Variants in POU3F3 observed in about 807,000 individuals in gnomAD.
POU3F3 encodes the protein POU domain, class 3, transcription factor 3.
POU3F3 carries 1 observed loss-of-function variant against 8.6 expected under a neutral mutation model. The ratio of observed to expected loss-of-function variants is 0.12; its 90% CI spans 0.04 to 0.55. The LOEUF (loss-of-function observed/expected upper bound fraction) is 0.55. POU3F3 is among the 20% of genes least tolerant of loss of function. The pLI is 0.91. For synonymous variants in POU3F3, 418 were observed against 327.4 expected (o/e 1.28, Z -2.99); for missense variants, 577 against 690.7 (o/e 0.84, Z 1.84).
chr2:104,890,643 T>C, the POU3F3 span, among the ~76,000 whole-genome samples: 2 of 152,278 alleles, frequency 1.3e-5, no homozygotes, highest in Non-Finnish European at 2.9e-5. Context: ...CCTAAGTCAG[T>C]GCTTTTCAGT....
At chr2:104,861,493 T>C (rs1229617883), downstream of POU3F3, among the ~76,000 whole-genome samples, 1 of 152,258 alleles carries the variant, frequency 6.6e-6, no homozygotes, top group African/African-American at 2.4e-5. Context: ...AGTGATAACC[T>C]AATACCTGAC....
chr2:104,873,508 T>G, the POU3F3 span, among the ~76,000 whole-genome samples: 1 of 152,178 alleles, frequency 6.6e-6, no homozygotes, highest in Non-Finnish European at 1.5e-5. Context: ...TCCTGTGCCC[T>G]GTGGCCAGCC....
At position 104,854,727 on chromosome 2, in the gene POU3F3, G is replaced by T. The variant is rs1230862816; in HGVS notation, c.-784G>T. 1.3e-5 allele frequency among the ~76,000 whole-genome samples: 2 copies of T among 152,140 alleles called. No individual in the cohort carries two copies. The highest frequency in any genetic ancestry group is 2.9e-5 in the Non-Finnish European group (2 of 68,018). ...AAACTTGAAACGAGAGGACCAGAGG[G>T]GGAGAGCAGGAGCCAGCCTCCCCTC... is the stretch of plus-strand genomic sequence containing the variant. On this transcript the variant is annotated 5_prime_UTR_variant, in exon 1 of 1. Coordinates refer to ENST00000361360, the MANE Select transcript of POU3F3 (RefSeq NM_006236.3). This position sits in a 1 kb window ranked among gnomAD's most constrained non-coding sequence, Gnocchi z 4.5.
At chr2:104,901,457 C>T in the POU3F3 span, among the ~76,000 whole-genome samples, 2 of 152,178 alleles carry the variant, frequency 1.3e-5, no homozygotes, top group Non-Finnish European at 2.9e-5. Flanking sequence ...TGCTACATCT[C>T]TAGGCGCACT....
At chr2:104,873,702 C>A in the POU3F3 span, among the ~76,000 whole-genome samples, 1 of 152,202 alleles carries the variant, frequency 6.6e-6, no homozygotes, top group East Asian at 1.9e-4. Flanking sequence ...AGGAGATCCT[C>A]TCTCCCACTC....
chr2:104,881,370 T>C, the POU3F3 span, among the ~76,000 whole-genome samples: 8 of 152,102 alleles, frequency 5.3e-5, no homozygotes, highest in African/African-American at 1.9e-4. Context: ...ATCACTGAGT[T>C]GCCTGGGCTG....
chr2:104,901,612 T>C, the POU3F3 span, among the ~76,000 whole-genome samples: 4 of 152,230 alleles, frequency 2.6e-5, no homozygotes, highest in African/African-American at 7.2e-5. Context: ...CAATAATACT[T>C]AGCAGGGGAG....
the POU3F3 span, among the ~76,000 whole-genome samples, chr2:104,882,416 T>C: frequency 6.6e-6 from 1 of 152,006 alleles, no homozygotes. Context: ...CATGCCCGGC[T>C]AATTTTTGTA....
the POU3F3 span, among the ~76,000 whole-genome samples, chr2:104,892,609 G>A: frequency 6.6e-6 from 1 of 151,314 alleles, no homozygotes; most frequent in Non-Finnish European, 1.5e-5. Context: ...GGGACTACAA[G>A]TGCATGCAAC....
downstream of POU3F3, among the ~76,000 whole-genome samples, chr2:104,863,344 G>A (rs1024432406): frequency 6.6e-6 from 1 of 152,042 alleles, no homozygotes; most frequent in Non-Finnish European, 1.5e-5. Context: ...TCCCTGGAAG[G>A]TTGAGGGAGT....
chr2:104,907,175 G>A, the POU3F3 span, among the ~76,000 whole-genome samples: 4 of 152,184 alleles, frequency 2.6e-5, no homozygotes, highest in Non-Finnish European at 5.9e-5. Flanking sequence ...CGTTCCGTTT[G>A]TGCTTCCTTC....
At position 104,856,317 on chromosome 2, in the gene POU3F3, G is replaced by GCAC. The variant is rs762283249; in HGVS notation, c.829_831dup (p.His277dup). 825 of 1,503,156 alleles carry GCAC rather than the reference G, an allele frequency of 5.5e-4. No individual in the cohort carries two copies. Among genetic ancestry groups the GCAC allele is most frequent in the Admixed American group, 7.1e-4 (34 of 47,824 alleles). 93.1% of individuals were successfully genotyped at this position (1,503,156 alleles called of 1,614,324 possible). On this transcript the variant is annotated inframe_insertion, in exon 1 of 1. Transcript: ENST00000361360. ...GCGGGGACACGCCAGAGCTGGCCGA[G>GCAC]CACCACCACCACCACCACCACCACG...
At chr2:104,865,197 TC>T in the POU3F3 span, among the ~76,000 whole-genome samples, 2 of 152,194 alleles carry the variant, frequency 1.3e-5, no homozygotes, top group Non-Finnish European at 2.9e-5. Context: ...CAAGAAGTTT[TC>T]TCTAAGTGAA....
the POU3F3 span, among the ~76,000 whole-genome samples, chr2:104,927,267 T>A: frequency 1.3e-5 from 2 of 151,966 alleles, no homozygotes; most frequent in African/African-American, 4.8e-5. Flanking sequence ...TTTCAACACA[T>A]GGCTTTTGGG....
the POU3F3 span, among the ~76,000 whole-genome samples, chr2:104,899,281 G>A: frequency 1.3e-5 from 2 of 152,230 alleles, no homozygotes; most frequent in Non-Finnish European, 2.9e-5. Context: ...GCTGCAGCAT[G>A]AGTGCTGTGT....
At position 104,857,762 on chromosome 2, in the gene POU3F3, G is replaced by A. The variant is rs1676601412; in HGVS notation, c.*749G>A. 6.6e-6 allele frequency: 1 copy of A among 152,154 alleles called. No individual in the cohort carries two copies. The highest frequency in any genetic ancestry group is 1.5e-5 in the Non-Finnish European group (1 of 67,976). The allele number at this position is 152,154 out of a possible 1,614,324, so 9.4% of individuals were successfully genotyped here. Reference sequence around the variant, plus strand: ...AGGAGGGGGGAAAAACAGTCTCCAAGAAAAAAATAATTATATTGACAGCTT... The same window carrying A: ...AGGAGGGGGGAAAAACAGTCTCCAAAAAAAAAATAATTATATTGACAGCTT... On this transcript the variant is annotated 3_prime_UTR_variant, in exon 1 of 1. Transcript: ENST00000361360.
the POU3F3 span, among the ~76,000 whole-genome samples, chr2:104,907,042 T>A: frequency 6.6e-6 from 1 of 152,140 alleles, no homozygotes; most frequent in African/African-American, 2.4e-5. Context: ...TTCAGTGGCA[T>A]ATTGCACGCG....
At chr2:104,908,609 A>T in the POU3F3 span, among the ~76,000 whole-genome samples, 1 of 152,212 alleles carries the variant, frequency 6.6e-6, no homozygotes. Flanking sequence ...AATGATACAT[A>T]AGCAGAGTAG....
At chr2:104,887,140 A>C in the POU3F3 span, among the ~76,000 whole-genome samples, 4 of 152,000 alleles carry the variant, frequency 2.6e-5, no homozygotes, top group Non-Finnish European at 5.9e-5. Context: ...CACTGGTGGG[A>C]GTGTAGCAGA....
Sources: allele counts gnomAD v4.1 joint callset (sites outside exome capture counted in the v4.1 genomes callset), GRCh38; gene constraint gnomAD v4.1.1; non-coding constraint Gnocchi (gnomAD v3.1); transcripts MANE v1.5; gene names NCBI Gene and HGNC (gene_info 2026-07-23, HGNC 2026-07-21).